RSPO2: variants seen among roughly 807,000 people sequenced by gnomAD.
RSPO2 encodes R-spondin-2.
RSPO2 carries 14 observed loss-of-function variants against 30.9 expected under a neutral mutation model. The observed-to-expected ratio is 0.45, with a 90% CI of 0.30 to 0.71. RSPO2 has a LOEUF of 0.71. RSPO2 is among the 30% of genes least tolerant of loss of function. The probability of loss-of-function intolerance (pLI) is 0.08; values close to 1 mark genes in which losing one functional copy is unlikely to be tolerated. For synonymous variants in RSPO2, 107 were observed against 96.4 expected (o/e 1.11, Z -0.64); for missense variants, 264 against 301.9 (o/e 0.87, Z 0.93).
At chr8:108,028,669 T>C (rs900911857) in intron 2 of RSPO2, among the ~76,000 whole-genome samples, 2 of 152,222 alleles carry the variant, frequency 1.3e-5, no homozygotes, top group Admixed American at 6.5e-5. Context: ...TGGAGTCCTG[T>C]GGTTGTCTAC....
intron 3 of RSPO2, among the ~76,000 whole-genome samples, chr8:107,986,825 C>T (rs567188097): frequency 2.6e-5 from 4 of 152,292 alleles, no homozygotes; most frequent in East Asian, 3.9e-4. Flanking sequence ...CCACCACCCC[C>T]GCCATAGGTA....
chr8:108,046,896 T>C (rs546215618), intron 2 of RSPO2, among the ~76,000 whole-genome samples: 3 of 152,276 alleles, frequency 2.0e-5, no homozygotes, highest in Non-Finnish European at 2.9e-5. Flanking sequence ...AGTCAGAAGA[T>C]ATAACTGAAA....
At chr8:108,065,813 G>A (rs1349976250) in intron 2 of RSPO2, among the ~76,000 whole-genome samples, 6 of 152,084 alleles carry the variant, frequency 3.9e-5, no homozygotes, top group South Asian at 2.1e-4. Flanking sequence ...CAAGGTGGGC[G>A]GATCACCTGA....
chr8:107,967,713 G>C (rs1328100013), intron 3 of RSPO2, among the ~76,000 whole-genome samples: 1 of 152,094 alleles, frequency 6.6e-6, no homozygotes, highest in South Asian at 2.1e-4. Flanking sequence ...CAGATAGTTG[G>C]TATAGGATAA....
chr8:107,960,773 A>G lies in RSPO2; in HGVS notation c.328T>C (p.Cys110Arg), dbSNP rs1348823437. 4 of 1,611,480 alleles carry G rather than the reference A, an allele frequency of 2.5e-6. No homozygotes were observed. The highest frequency in any genetic ancestry group is 3.4e-6 in the Non-Finnish European group (4 of 1,179,172). Residue 110 changes from cysteine to arginine, a missense_variant, in exon 4 of 6, where the codon TGT (cysteine) becomes CGT (arginine). Cys to Arg is a radical substitution (Grantham distance 180). Coordinates refer to ENST00000276659, the MANE Select transcript of RSPO2 (RefSeq NM_178565.5). ...NCDSCFSKDF[C>R]TKCKVGFYLH... ...TAAAAGCCTACTTTGCACTTGGTACAAAAGTCTTTGCTAAAGCAAGAATCA... is the reference window on the plus strand; with the variant it reads ...TAAAAGCCTACTTTGCACTTGGTACGAAAGTCTTTGCTAAAGCAAGAATCA...
intron 3 of RSPO2, among the ~76,000 whole-genome samples, chr8:107,975,413 C>T (rs528033691): frequency 1.6e-4 from 24 of 152,316 alleles, no homozygotes; most frequent in African/African-American, 4.8e-4. Context: ...GTATTATCTC[C>T]GCTACATACT....
At chr8:107,903,821 A>G (rs74435938) in intron 5 of RSPO2, among the ~76,000 whole-genome samples, 2,485 of 152,124 alleles carry the variant, frequency 0.016, 54 homozygotes, top group African/African-American at 0.052. Context: ...CATAAGACAT[A>G]TTGCAAATAC....
intron 5 of RSPO2, among the ~76,000 whole-genome samples, chr8:107,917,090 G>A (rs868607635): frequency 3.3e-5 from 5 of 152,188 alleles, no homozygotes; most frequent in Admixed American, 1.3e-4. Context: ...GGGAAAGAAA[G>A]AGGAGAGAGA....
At chr8:107,952,111 A>G (rs951217375) in intron 5 of RSPO2, among the ~76,000 whole-genome samples, 2 of 152,158 alleles carry the variant, frequency 1.3e-5, no homozygotes, top group Non-Finnish European at 2.9e-5. Context: ...ATTCCTCTTA[A>G]GATTCTGTTC....
At chr8:108,018,140 G>A (rs1563565812) in intron 2 of RSPO2, among the ~76,000 whole-genome samples, 1 of 151,978 alleles carries the variant, frequency 6.6e-6, no homozygotes, top group Non-Finnish European at 1.5e-5. Context: ...TTGCTAAAAG[G>A]GGACTTCACT....
intron 2 of RSPO2, among the ~76,000 whole-genome samples, chr8:108,021,959 T>G (rs1027295195): frequency 6.6e-6 from 1 of 152,002 alleles, no homozygotes; most frequent in Non-Finnish European, 1.5e-5. Flanking sequence ...AAAGAAAAAA[T>G]GATGGCTTCA....
chr8:108,043,989 A>G (rs1811834888), intron 2 of RSPO2, among the ~76,000 whole-genome samples: 1 of 152,150 alleles, frequency 6.6e-6, no homozygotes, highest in Admixed American at 6.5e-5. Context: ...TAATAATAGT[A>G]ATACTAATCA....
chr8:107,963,602 C>T (rs1046552444), intron 3 of RSPO2, among the ~76,000 whole-genome samples: 2 of 140,142 alleles, frequency 1.4e-5, no homozygotes, highest in Admixed American at 7.6e-5. Flanking sequence ...CGTATGTGTG[C>T]GTGTGTTCAT....
At position 108,082,611 on chromosome 8, in the gene RSPO2, G is replaced by C. The variant is rs752314217; in HGVS notation, c.28C>G (p.Leu10Val). Residue 10 changes from leucine (L) to valine (V), a missense_variant, in exon 2 of 6, where the codon CTC (leucine) becomes GTC (valine). By Grantham distance (32) the Leu-to-Val change is conservative. Coordinates refer to ENST00000276659, the MANE Select transcript of RSPO2 (RefSeq NM_178565.5). Reference protein sequence around the residue: MQFRLFSFALIILNCMDYSH... With the variant: MQFRLFSFAVIILNCMDYSH... Reference sequence around the variant, plus strand: ...TAATCCATGCAGTTCAGAATGATGAGGGCAAAGGAGAAAAGGCGAAACTGC... The same window carrying C: ...TAATCCATGCAGTTCAGAATGATGACGGCAAAGGAGAAAAGGCGAAACTGC... 3.7e-6 allele frequency: 6 copies of C among 1,614,108 alleles called. No homozygotes were observed. Among genetic ancestry groups the C allele is most frequent in the Non-Finnish European group, 3.4e-6 (4 of 1,180,002 alleles).
chr8:108,032,141 A>G (rs1811441573), intron 2 of RSPO2, among the ~76,000 whole-genome samples: 1 of 152,244 alleles, frequency 6.6e-6, no homozygotes, highest in African/African-American at 2.4e-5. Context: ...TTGTTCTACT[A>G]TAAAGTTAAG....
chr8:108,011,677 AC>A (rs1163501589), intron 2 of RSPO2, among the ~76,000 whole-genome samples: 1 of 152,198 alleles, frequency 6.6e-6, no homozygotes, highest in East Asian at 1.9e-4. Flanking sequence ...TCCATGACTT[AC>A]CTAAAAGAAC....
chr8:107,902,962 C>T (rs1811525332), intron 5 of RSPO2, among the ~76,000 whole-genome samples: 1 of 152,034 alleles, frequency 6.6e-6, no homozygotes, highest in African/African-American at 2.4e-5. Context: ...CCCCATGAAA[C>T]CTTAGTTCAA....
At chr8:107,951,842 T>C (rs1261472903) in intron 5 of RSPO2, among the ~76,000 whole-genome samples, 1 of 152,156 alleles carries the variant, frequency 6.6e-6, no homozygotes, top group Non-Finnish European at 1.5e-5. Flanking sequence ...CTGAGTGTTT[T>C]GCACCCCTTT....
chr8:108,054,448 G>A (rs935732747), intron 2 of RSPO2, among the ~76,000 whole-genome samples: 1 of 152,052 alleles, frequency 6.6e-6, no homozygotes, highest in Non-Finnish European at 1.5e-5. Flanking sequence ...AGGTTTACTG[G>A]GGCCAGGCCT....
Sources: allele counts gnomAD v4.1 joint callset (sites outside exome capture counted in the v4.1 genomes callset), GRCh38; gene constraint gnomAD v4.1.1; transcripts MANE v1.5; gene names NCBI Gene and HGNC (gene_info 2026-07-23, HGNC 2026-07-21).